Variants in PSD2 observed in about 807,000 individuals in gnomAD.
PSD2 encodes pleckstrin and Sec7 domain containing 2, also known as PH and SEC7 domain-containing protein 2.
A neutral mutation model predicts 69.8 loss-of-function variants in PSD2; 38 were observed. The observed-to-expected ratio is 0.54, with a 90% CI of 0.42 to 0.71. The LOEUF (loss-of-function observed/expected upper bound fraction) is 0.71. PSD2 is among the 30% of genes least tolerant of loss of function. PSD2 has a pLI of 0.00. For missense variants in PSD2, 943 were observed against 1,014.5 expected (o/e 0.93, Z 0.96); for synonymous variants, 412 against 423.0 (o/e 0.97, Z 0.32).
Position 139,814,721 on chromosome 5 carries a change from G to C in PSD2, c.1016+357G>C, listed in dbSNP as rs1288817907. 4.6e-5 allele frequency among the ~76,000 whole-genome samples: 7 copies of C among 152,052 alleles called. No individual in the cohort carries two copies. The highest frequency in any genetic ancestry group is 1.4e-4 in the African/African-American group (6 of 41,416). On this transcript the variant is annotated intron_variant, in intron 4 of 14. Transcript: ENST00000274710. The surrounding 1 kb of genome is among the most constrained non-coding windows in gnomAD (Gnocchi z 4.4). ...GGGCCAGGGAGAAAGGAGAACCCGGGCCTCGGGGGACACCTCTGGGACCCA... is the reference window on the plus strand; with the variant it reads ...GGGCCAGGGAGAAAGGAGAACCCGGCCCTCGGGGGACACCTCTGGGACCCA...
rs1322890420 is a variant in PSD2 at position 139,839,213 on chromosome 5, A to T, written c.1968+441A>T. ...CAACACACCCATGCTGCAGGTTCTCAGGGCTTCTTTGGAGAGGACAGGAGA... is the reference window on the plus strand; with the variant it reads ...CAACACACCCATGCTGCAGGTTCTCTGGGCTTCTTTGGAGAGGACAGGAGA... On this transcript the variant is annotated intron_variant, in intron 13 of 14. Coordinates refer to ENST00000274710, the MANE Select transcript of PSD2 (RefSeq NM_032289.4). The surrounding 1 kb of genome is among the most constrained non-coding windows in gnomAD (Gnocchi z 5.1). Among the ~76,000 whole-genome samples, 1 of 152,254 alleles carries T rather than the reference A, an allele frequency of 6.6e-6. No homozygotes were observed. Among genetic ancestry groups the T allele is most frequent in the Non-Finnish European group, 1.5e-5 (1 of 68,048 alleles).
At chr5:139,782,718 C>A in the PSD2 span, among the ~76,000 whole-genome samples, 1 of 151,990 alleles carries the variant, frequency 6.6e-6, no homozygotes, top group African/African-American at 2.4e-5. Flanking sequence ...GTCTCGAACT[C>A]CTGAGCTCAG....
chr5:139,800,867 G>C (rs142785507), intron 1 of PSD2, among the ~76,000 whole-genome samples: 4 of 152,230 alleles, frequency 2.6e-5, no homozygotes, highest in Non-Finnish European at 5.9e-5. Context: ...CTCTCTGCTA[G>C]AGCATCCCAT....
At position 139,836,753 on chromosome 5, in the gene PSD2, T is replaced by C. The variant is rs1760729095; in HGVS notation, c.1404-58T>C. The stretch of plus-strand genomic sequence containing the variant: ...AGAGGAGGCTGGTGGGGAAAGGCCA[T>C]GACGATGCGGGGCCGAGGCCTCCCT... On this transcript the variant is annotated intron_variant, in intron 9 of 14. Coordinates refer to ENST00000274710, the MANE Select transcript of PSD2 (RefSeq NM_032289.4). The C allele has an allele frequency of 6.0e-6, 9 of 1,512,522 alleles. 2 individuals are homozygous for C. In the South Asian group the frequency reaches 9.5e-5, roughly 16 times the overall value. The allele number at this position is 1,512,522 out of a possible 1,614,324, so 93.7% of individuals were successfully genotyped here.
intron 1 of PSD2, among the ~76,000 whole-genome samples, chr5:139,800,644 A>G (rs1250808907): frequency 2.0e-5 from 3 of 152,218 alleles, no homozygotes; most frequent in Non-Finnish European, 4.4e-5. Context: ...TCTTTGAGAA[A>G]ATATAAGCAG....
chr5:139,769,410 C>T, the PSD2 span, among the ~76,000 whole-genome samples: 1 of 152,156 alleles, frequency 6.6e-6, no homozygotes, highest in African/African-American at 2.4e-5. Flanking sequence ...CAATGGAGGG[C>T]ACTCAGGGCC....
At chr5:139,759,339 C>A in the PSD2 span, among the ~76,000 whole-genome samples, 2 of 151,960 alleles carry the variant, frequency 1.3e-5, no homozygotes, top group Admixed American at 6.5e-5. Context: ...TGCTTGGCGG[C>A]GCCTCGTTTC....
chr5:139,760,726 TC>T, the PSD2 span, among the ~76,000 whole-genome samples: 1 of 152,220 alleles, frequency 6.6e-6, no homozygotes, highest in African/African-American at 2.4e-5. Context: ...AGCTGCTAGA[TC>T]CAGGGTGCAC....
chr5:139,797,248 G>A (rs541479149), intron 1 of PSD2, among the ~76,000 whole-genome samples: 3 of 152,380 alleles, frequency 2.0e-5, no homozygotes, highest in South Asian at 4.1e-4. Flanking sequence ...AGGGAACAGG[G>A]GCTTTTGAGT....
intron 5 of PSD2, among the ~76,000 whole-genome samples, chr5:139,820,065 G>C (rs1158623961): frequency 6.6e-6 from 1 of 152,192 alleles, no homozygotes; most frequent in African/African-American, 2.4e-5. Context: ...AGAGGGGAAA[G>C]GTCGGTGTGA....
rs1479384395 is a variant in PSD2, at chr5:139,813,644, G to A, written c.707G>A (p.Ser236Asn). Residue 236 changes from serine (S) to asparagine (N), a missense_variant, in exon 3 of 15, where the codon AGC (serine) becomes AAC (asparagine). By Grantham distance (46) the Ser-to-Asn change is conservative. Around this residue, in one of 3 missense-constraint regions of PSD2, gnomAD observed 466 missense variants for 445.0 expected, o/e 1.05. Transcript: ENST00000274710. ...ISSSRSENVL[S>N]RLSLMAMPNG... ...AGCAGCCGCTCTGAGAATGTCCTGA[G>A]CCGCCTGTCTCTCATGGCCATGCCC... 2 of 1,613,780 alleles carry A rather than the reference G, an allele frequency of 1.2e-6. No individual in the cohort carries two copies. Among genetic ancestry groups the A allele is most frequent in the African/African-American group, 1.3e-5 (1 of 74,946 alleles).
At chr5:139,752,710 A>AC in the PSD2 span, among the ~76,000 whole-genome samples, 3 of 152,210 alleles carry the variant, frequency 2.0e-5, no homozygotes, top group African/African-American at 7.2e-5. Context: ...ACATCTGCAC[A>AC]GTAAGACACA....
Position 139,837,829 on chromosome 5 carries a change from A to C in PSD2, c.1823+47A>C. ...TCACTCCCACCTGGGGCCCAGGGCCACAGTGACCCGGCACACAACCCCTCT... is the reference window on the plus strand; with the variant it reads ...TCACTCCCACCTGGGGCCCAGGGCCCCAGTGACCCGGCACACAACCCCTCT... On this transcript the variant is annotated intron_variant, in intron 12 of 14. Coordinates refer to ENST00000274710, the MANE Select transcript of PSD2 (RefSeq NM_032289.4). This position sits in a 1 kb window ranked among gnomAD's most constrained non-coding sequence, Gnocchi z 5.0. The C allele has an allele frequency of 6.4e-7, 1 of 1,564,396 alleles. No homozygotes were observed.
At chr5:139,808,003 A>T (rs950639905) in intron 1 of PSD2, among the ~76,000 whole-genome samples, 1 of 152,176 alleles carries the variant, frequency 6.6e-6, no homozygotes, top group African/African-American at 2.4e-5. Context: ...TTTGAGCCTC[A>T]CTTATATCCC....
intron 1 of PSD2, among the ~76,000 whole-genome samples, chr5:139,804,869 G>C (rs762016895): frequency 2.6e-5 from 4 of 151,690 alleles, no homozygotes; most frequent in African/African-American, 4.8e-5. Flanking sequence ...GTGTGTGTGC[G>C]TGTGTGTGTG....
the PSD2 span, among the ~76,000 whole-genome samples, chr5:139,748,574 GA>G: frequency 1.3e-5 from 2 of 152,162 alleles, no homozygotes; most frequent in African/African-American, 4.8e-5. Flanking sequence ...TCCCCCGGGC[GA>G]ACTCATGTGC....
chr5:139,764,660 C>T, the PSD2 span, among the ~76,000 whole-genome samples: 1 of 152,170 alleles, frequency 6.6e-6, no homozygotes, highest in South Asian at 2.1e-4. Flanking sequence ...CCCCTCCCGG[C>T]CCAGCAGCCA....
At position 139,838,612 on chromosome 5, in the gene PSD2, C is replaced by G; in HGVS notation, c.1824-16C>G. 6 of 1,606,956 alleles carry G rather than the reference C, an allele frequency of 3.7e-6. No individual in the cohort carries two copies. The highest frequency in any genetic ancestry group is 5.1e-6 in the Non-Finnish European group (6 of 1,174,410). On this transcript the variant is annotated splice_polypyrimidine_tract_variant and intron_variant, in intron 12 of 14. Coordinates refer to ENST00000274710, the MANE Select transcript of PSD2 (RefSeq NM_032289.4). The stretch of plus-strand genomic sequence containing the variant: ...CTGTGTGAGAGGCCGGCACCCTCTC[C>G]CCCTCCTGTCCCCAGGAGCAAGGAA...
Position 139,837,521 on chromosome 5 carries a change from C to T in PSD2, c.1666-104C>T. 2 of 1,267,888 alleles carry T rather than the reference C, an allele frequency of 1.6e-6. No homozygotes were observed. The highest frequency in any genetic ancestry group is 2.2e-6 in the Non-Finnish European group (2 of 913,308). 78.5% of individuals were successfully genotyped at this position (1,267,888 alleles called of 1,614,324 possible). On this transcript the variant is annotated intron_variant, in intron 11 of 14. Transcript: ENST00000274710. The surrounding 1 kb of genome is among the most constrained non-coding windows in gnomAD (Gnocchi z 5.0). ...GTTGGGGTGGGTGAGGCAGCAGGAA[C>T]AGAAAATTAAGGGAGCCGTAGGGTT... is the stretch of plus-strand genomic sequence containing the variant.
Sources: allele counts gnomAD v4.1 joint callset (sites outside exome capture counted in the v4.1 genomes callset), GRCh38; gene constraint gnomAD v4.1.1; regional missense constraint gnomAD v4.1.1; non-coding constraint Gnocchi (gnomAD v3.1); transcripts MANE v1.5; gene names NCBI Gene and HGNC (gene_info 2026-07-23, HGNC 2026-07-21).